The following NEURL4 variants were observed in gnomAD, a reference collection of about 807,000 sequenced individuals.
NEURL4 encodes neuralized E3 ubiquitin protein ligase 4.
In NEURL4, 45 loss-of-function variants were observed where a neutral mutation model predicts 148.0. The observed-to-expected ratio is 0.30, with a 90% CI of 0.24 to 0.39. The LOEUF is 0.39. NEURL4 is among the 10% of genes least tolerant of loss of function. NEURL4 has a pLI of 1.00. For missense variants in NEURL4, 1,776 were observed against 2,144.0 expected (o/e 0.83, Z 3.39); for synonymous variants, 854 against 869.0 (o/e 0.98, Z 0.30).
In NEURL4 at chr17:7,324,588, C is replaced by T. The variant is rs1460125182; in HGVS notation, c.1814-108G>A. 5 of 1,163,310 alleles carry T rather than the reference C, an allele frequency of 4.3e-6. 1 individual carries two copies. In the South Asian group the frequency reaches 6.5e-5, roughly 15 times the overall value. 72.1% of individuals were successfully genotyped at this position (1,163,310 alleles called of 1,614,324 possible). On this transcript the variant is annotated intron_variant, in intron 9 of 28. Transcript: ENST00000399464. The surrounding 1 kb of genome is among the most constrained non-coding windows in gnomAD (Gnocchi z 5.9). ...GAGCCCACAGTCCACCTTGCCTTTT[C>T]TTTGATGACTAGATTTCTTCCCTGA...
chr17:7,321,242 G>C lies in NEURL4; in HGVS notation c.3230C>G (p.Pro1077Arg), dbSNP rs367714357. Residue 1077 changes from proline (P) to arginine (R), a missense_variant, in exon 20 of 29, where the codon CCA becomes CGA. Physicochemically the swap from Pro to Arg is moderately radical, Grantham distance 103. Transcript: ENST00000399464. This position sits in a 1 kb window ranked among gnomAD's most constrained non-coding sequence, Gnocchi z 6.3. Reference sequence around the variant, plus strand: ...ACTGACAATTGACACACCGCGGACTGGCCCGTAGAGATCCAACACAGCCCA... The same window carrying C: ...ACTGACAATTGACACACCGCGGACTCGCCCGTAGAGATCCAACACAGCCCA... ...NVWAVLDLYGPVRGVSIVSST... is the reference protein window; with the variant it reads ...NVWAVLDLYGRVRGVSIVSST... 2.5e-6 allele frequency: 4 copies of C among 1,613,820 alleles called. No homozygotes were observed. Among genetic ancestry groups the C allele is most frequent in the Non-Finnish European group, 2.5e-6 (3 of 1,179,984 alleles).
intron 1 of NEURL4, among the ~76,000 whole-genome samples, chr17:7,328,476 T>G (rs1390263473): frequency 6.6e-6 from 1 of 152,212 alleles, no homozygotes; most frequent in Non-Finnish European, 1.5e-5. Flanking sequence ...TGATCTCAGC[T>G]CACTGCAACC....
chr17:7,322,100 T>C lies in NEURL4; in HGVS notation c.2726-90A>G. The C allele has an allele frequency of 2.8e-6, 4 of 1,452,670 alleles. No homozygotes were observed. The highest frequency in any genetic ancestry group is 4.4e-5 in the Admixed American group (2 of 45,036). 90.0% of individuals were successfully genotyped at this position (1,452,670 alleles called of 1,614,324 possible). A position where few individuals can be genotyped will look rare whatever the true frequency, so the allele number is the denominator to read the frequency against. ...AGCAAAGCTTTCAGATGAAACGAAATGGGGATGCCAACGCCCCATCTGCCA... is the reference window on the plus strand; with the variant it reads ...AGCAAAGCTTTCAGATGAAACGAAACGGGGATGCCAACGCCCCATCTGCCA... On this transcript the variant is annotated intron_variant, in intron 16 of 28. Coordinates refer to ENST00000399464, the MANE Select transcript of NEURL4 (RefSeq NM_032442.3). This position sits in a 1 kb window ranked among gnomAD's most constrained non-coding sequence, Gnocchi z 5.5.
Position 7,318,574 on chromosome 17 carries a change from C to G in NEURL4, c.3785G>C (p.Gly1262Ala). Reference protein sequence around the residue: ...SSGGLHLHVNGVDQGVAVPDV... With the variant: ...SSGGLHLHVNAVDQGVAVPDV... Reference sequence around the variant, plus strand: ...TGGCACAGCTACCCCCTGGTCCACCCCATTAACATGAAGATGCAGCCCCCC... The same window carrying G: ...TGGCACAGCTACCCCCTGGTCCACCGCATTAACATGAAGATGCAGCCCCCC... The change falls in exon 23 of 29, where the codon GGG becomes GCG. Residue 1262 changes from glycine (G) to alanine (A), a missense_variant. Transcript: ENST00000399464. The surrounding 1 kb of genome is among the most constrained non-coding windows in gnomAD (Gnocchi z 4.3). The G allele has an allele frequency of 1.9e-6, 3 of 1,614,026 alleles. No homozygotes were observed. The highest frequency in any genetic ancestry group is 2.5e-6 in the Non-Finnish European group (3 of 1,180,002).
At position 7,329,170 on chromosome 17, in the gene NEURL4, G is replaced by C. The variant is rs756458010; in HGVS notation, c.143C>G (p.Thr48Ser). The change falls in exon 1 of 29, where the codon ACT (threonine) becomes AGT (serine). Residue 48 changes from threonine to serine, a missense_variant. Coordinates refer to ENST00000399464, the MANE Select transcript of NEURL4 (RefSeq NM_032442.3). ...GGCCGACAGGCTCACCAAGCGCCCA[G>C]TGCGCGGGTGCAGTTCCCCGCCGCT... Reference protein sequence around the residue: ...LGSGGELHPRTGRLVSLSACG... With the variant: ...LGSGGELHPRSGRLVSLSACG... 1 of 1,598,320 alleles carries C rather than the reference G, an allele frequency of 6.3e-7. No homozygotes were observed. The highest frequency in any genetic ancestry group is 1.1e-5 in the South Asian group (1 of 89,654).
chr17:7,323,408 T>A (rs997546871), intron 14 of NEURL4, 77 bp downstream of exon 14: 1 of 1,470,632 alleles, frequency 6.8e-7, no homozygotes. Context: ...ACAGCCACCA[T>A]AGGCCCAAAC....
Position 7,324,614 on chromosome 17 carries a change from G to T in NEURL4, c.1814-134C>A. On this transcript the variant is annotated intron_variant, in intron 9 of 28. Coordinates refer to ENST00000399464, the MANE Select transcript of NEURL4 (RefSeq NM_032442.3). The surrounding 1 kb of genome is among the most constrained non-coding windows in gnomAD (Gnocchi z 5.9). ...TTTGATGACTAGATTTCTTCCCTGA[G>T]CAGGACAAGAAAACTCTGCAGCTTC... is the stretch of plus-strand genomic sequence containing the variant. 1.9e-6 allele frequency: 2 copies of T among 1,078,456 alleles called. No individual in the cohort carries two copies. Among genetic ancestry groups the T allele is most frequent in the Non-Finnish European group, 1.4e-6 (1 of 731,484 alleles). 66.8% of individuals were successfully genotyped at this position (1,078,456 alleles called of 1,614,324 possible).
rs1176715526 is a variant in NEURL4, at chr17:7,326,578, G to C, written c.1093-30C>G. The C allele has an allele frequency of 6.2e-7, 1 of 1,611,174 alleles. No homozygotes were observed. The highest frequency in any genetic ancestry group is 8.5e-7 in the Non-Finnish European group (1 of 1,177,494). The stretch of plus-strand genomic sequence containing the variant: ...CATTGAGGGACAGAAGGGAGAAGCA[G>C]GGAATGTAAATGCAGAAAGGGACCT... On this transcript the variant is annotated intron_variant, in intron 4 of 28. Coordinates refer to ENST00000399464, the MANE Select transcript of NEURL4 (RefSeq NM_032442.3). The surrounding 1 kb of genome is among the most constrained non-coding windows in gnomAD (Gnocchi z 6.0).
At position 7,316,281 on chromosome 17, in the gene NEURL4, A is replaced by G; in HGVS notation, c.4531T>C (p.Phe1511Leu). Residue 1511 changes from phenylalanine (F) to leucine (L), a missense_variant, in exon 29 of 29, where the codon TTC (phenylalanine) becomes CTC (leucine). Transcript: ENST00000399464. ...SQRTHQAQVAFQVCVRPGSYT... is the reference protein window; with the variant it reads ...SQRTHQAQVALQVCVRPGSYT... ...GAGCCAGGGCGCACACACACCTGGA[A>G]CGCCACCTGAGCCTGGTGCGTCCGC... is the stretch of plus-strand genomic sequence containing the variant. 6.2e-7 allele frequency: 1 copy of G among 1,613,356 alleles called. No individual in the cohort carries two copies. The highest frequency in any genetic ancestry group is 1.7e-5 in the Admixed American group (1 of 60,022).
At position 7,321,410 on chromosome 17, in the gene NEURL4, A is replaced by G; in HGVS notation, c.3149T>C (p.Ile1050Thr). 6.2e-7 allele frequency: 1 copy of G among 1,614,088 alleles called. No homozygotes were observed. The highest frequency in any genetic ancestry group is 8.5e-7 in the Non-Finnish European group (1 of 1,180,010). The change falls in exon 19 of 29, where the codon ATC (isoleucine) becomes ACC (threonine). Residue 1050 changes from isoleucine to threonine, a missense_variant. Physicochemically the swap from Ile to Thr is moderately conservative, Grantham distance 89. Transcript: ENST00000399464. This position sits in a 1 kb window ranked among gnomAD's most constrained non-coding sequence, Gnocchi z 6.3. ...CCCCATATCCTCTCCATCCACCAGG[A>G]TGTGCATCGTGTCATCTGCCCCCCG... is the stretch of plus-strand genomic sequence containing the variant. ...VRRGADDTMH[I>T]LVDGEDMGPA...
At position 7,323,866 on chromosome 17, in the gene NEURL4, G is replaced by A; in HGVS notation, c.2209C>T (p.Leu737Phe). ...AACTCGCTGCGACAGTTGTGGCGGA[G>A]GGCGGTGCGGCCCCCGTTAGTGATG... is the stretch of plus-strand genomic sequence containing the variant. Reference protein sequence around the residue: ...AVITNGGRTALRHNCRSEFND... With the variant: ...AVITNGGRTAFRHNCRSEFND... The change falls in exon 12 of 29, where the codon CTC (leucine) becomes TTC (phenylalanine). Residue 737 changes from leucine to phenylalanine, a missense_variant. Physicochemically the swap from Leu to Phe is conservative, Grantham distance 22. Transcript: ENST00000399464. 6.2e-7 allele frequency: 1 copy of A among 1,614,050 alleles called. No homozygotes were observed. The highest frequency in any genetic ancestry group is 8.5e-7 in the Non-Finnish European group (1 of 1,180,030).
At position 7,315,858 on chromosome 17, in the gene NEURL4, C is replaced by G. The variant is rs2072934565; in HGVS notation, c.*265G>C. ...TAGGGGAGTAAAAGGGAGTCATGTTCCCCAAATCAGTGCATGAAGAGGGGT... is the reference window on the plus strand; with the variant it reads ...TAGGGGAGTAAAAGGGAGTCATGTTGCCCAAATCAGTGCATGAAGAGGGGT... On this transcript the variant is annotated 3_prime_UTR_variant, in exon 29 of 29. Coordinates refer to ENST00000399464, the MANE Select transcript of NEURL4 (RefSeq NM_032442.3). 1.7e-6 allele frequency: 1 copy of G among 572,164 alleles called. No individual in the cohort carries two copies. The allele number at this position is 572,164 out of a possible 1,614,324, so 35.4% of individuals were successfully genotyped here. A position where few individuals can be genotyped will look rare whatever the true frequency, so the allele number is the denominator to read the frequency against.
At chr17:7,328,608 T>C (rs1207531860) in intron 1 of NEURL4, among the ~76,000 whole-genome samples, 1 of 152,160 alleles carries the variant, frequency 6.6e-6, no homozygotes, top group Non-Finnish European at 1.5e-5. Flanking sequence ...TTCACCACGT[T>C]CACCAGGCTG....
chr17:7,315,974 T>A lies in NEURL4; in HGVS notation c.*149A>T. 1 of 627,516 alleles carries A rather than the reference T, an allele frequency of 1.6e-6. No homozygotes were observed. Among genetic ancestry groups the A allele is most frequent in the Non-Finnish European group, 2.9e-6 (1 of 345,270 alleles). 38.9% of individuals were successfully genotyped at this position (627,516 alleles called of 1,614,324 possible). A position where few individuals can be genotyped will look rare whatever the true frequency, so the allele number is the denominator to read the frequency against. ...GGAGCTGTGCCACTTGCCACCTACA[T>A]CTGAGAGCCTGCCTACATGCTCCTG... On this transcript the variant is annotated 3_prime_UTR_variant, in exon 29 of 29. Coordinates refer to ENST00000399464, the MANE Select transcript of NEURL4 (RefSeq NM_032442.3).
chr17:7,316,091 C>T lies in NEURL4; in HGVS notation c.*32G>A. On this transcript the variant is annotated 3_prime_UTR_variant, in exon 29 of 29. Transcript: ENST00000399464. ...ACTCAGAGTCCATGGGCCCGCGGCC[C>T]GACTGTGCTTGTAGTAGTGGTGTCT... 7.0e-6 allele frequency: 8 copies of T among 1,150,220 alleles called. No individual in the cohort carries two copies. The highest frequency in any genetic ancestry group is 1.1e-5 in the Non-Finnish European group (8 of 756,500). The allele number at this position is 1,150,220 out of a possible 1,614,324, so 71.3% of individuals were successfully genotyped here. A position where few individuals can be genotyped will look rare whatever the true frequency, so the allele number is the denominator to read the frequency against.
rs752647562 is a variant in NEURL4, at chr17:7,327,885, C to T, written c.283-1G>A. 1 of 1,599,628 alleles carries T rather than the reference C, an allele frequency of 6.3e-7. No homozygotes were observed. The highest frequency in any genetic ancestry group is 8.5e-7 in the Non-Finnish European group (1 of 1,173,446). On this transcript the variant is annotated splice_acceptor_variant, in intron 1 of 28. Coordinates refer to ENST00000399464, the MANE Select transcript of NEURL4 (RefSeq NM_032442.3). LOFTEE classifies it high-confidence loss of function. This position sits in a 1 kb window ranked among gnomAD's most constrained non-coding sequence, Gnocchi z 6.6. The stretch of plus-strand genomic sequence containing the variant: ...CAATGGAGCCGCTCCAGGAGTTGAC[C>T]TGGGATAGGGGTATTGGACAGAGGC...
chr17:7,327,295 G>A lies in NEURL4; in HGVS notation c.728-65C>T. The A allele has an allele frequency of 6.7e-7, 1 of 1,500,254 alleles. No homozygotes were observed. Among genetic ancestry groups the A allele is most frequent in the Non-Finnish European group, 8.9e-7 (1 of 1,118,172 alleles). 92.9% of individuals were successfully genotyped at this position (1,500,254 alleles called of 1,614,324 possible). On this transcript the variant is annotated intron_variant, in intron 2 of 28. Coordinates refer to ENST00000399464, the MANE Select transcript of NEURL4 (RefSeq NM_032442.3). This position sits in a 1 kb window ranked among gnomAD's most constrained non-coding sequence, Gnocchi z 6.6. Reference sequence around the variant, plus strand: ...TCCCTGCTTCACGGCCCATAGCCAGGAGAACCCCCCATCCTCTAGCTCCTG... The same window carrying A: ...TCCCTGCTTCACGGCCCATAGCCAGAAGAACCCCCCATCCTCTAGCTCCTG...
rs2073064520 is a variant in NEURL4 at position 7,323,880 on chromosome 17, C to G, written c.2195G>C (p.Gly732Ala). The G allele has an allele frequency of 6.2e-7, 1 of 1,613,866 alleles. No individual in the cohort carries two copies. Residue 732 changes from glycine to alanine, a missense_variant, in exon 12 of 29, where the codon GGG becomes GCG. Transcript: ENST00000399464. ...GTTGTGGCGGAGGGCGGTGCGGCCC[C>G]CGTTAGTGATGACTGCGTTACTGCC... ...LHGSNAVITNGGRTALRHNCR... is the reference protein window; with the variant it reads ...LHGSNAVITNAGRTALRHNCR...
At chr17:7,323,463 TC>T in intron 14 of NEURL4, 21 bp downstream of exon 14, 1 of 1,613,290 alleles carries the variant, frequency 6.2e-7, no homozygotes, top group Non-Finnish European at 8.5e-7. Context: ...CCCAAGCTGG[TC>T]CCCAAAGCAG....
Sources: allele counts gnomAD v4.1 joint callset (sites outside exome capture counted in the v4.1 genomes callset), GRCh38; gene constraint gnomAD v4.1.1; non-coding constraint Gnocchi (gnomAD v3.1); transcripts MANE v1.5; gene names NCBI Gene and HGNC (gene_info 2026-07-23, HGNC 2026-07-21).